The following TFDP2 variants were observed in gnomAD, a reference collection of about 807,000 sequenced individuals.
TFDP2 encodes the protein transcription factor Dp-2, also known as transcription factor Dp-2 (E2F dimerization partner 2).
A neutral mutation model predicts 59.3 loss-of-function variants in TFDP2; 17 were observed. That is an observed-to-expected ratio of 0.29 (90% confidence interval 0.20 to 0.43). TFDP2 has a LOEUF of 0.43. Among genes scored for constraint, TFDP2 ranks in the 20% least tolerant of loss-of-function variants. The pLI, the probability that TFDP2 is intolerant of heterozygous loss-of-function variation, is 1.00. For missense variants in TFDP2, 391 were observed against 528.8 expected (o/e 0.74, Z 2.56); for synonymous variants, 180 against 194.7 (o/e 0.92, Z 0.63).
chr3:142,043,230 G>T (rs1576816622), intron 3 of TFDP2, among the ~76,000 whole-genome samples: 1 of 149,078 alleles, frequency 6.7e-6, no homozygotes, highest in East Asian at 2.0e-4. Context: ...TGTATTTTTA[G>T]TAGAGACGGG....
Position 141,978,593 on chromosome 3 carries a change from G to A in TFDP2, c.446C>T (p.Thr149Ile). Residue 149 changes from threonine (T) to isoleucine (I), a missense_variant, in exon 7 of 13, where the codon ACA becomes ATA. This residue lies in a region of TFDP2 where 162 missense variants were observed against 206.8 expected (regional missense o/e 0.78). Coordinates refer to ENST00000489671, the MANE Select transcript of TFDP2 (RefSeq NM_001178139.2). ...VCEKVQRKGT[T>I]SYNEVADELV... ...CTCATCAGCGACTTCATTGTACGAT[G>A]TTGTACCTTTTCGTTGAACTTTCTC... 6.2e-7 allele frequency: 1 copy of A among 1,613,758 alleles called. No homozygotes were observed. The highest frequency in any genetic ancestry group is 8.5e-7 in the Non-Finnish European group (1 of 1,179,900).
intron 5 of TFDP2, 63 bp from the exon 6 acceptor site, chr3:141,993,648 T>C (rs1576617360): frequency 3.1e-6 from 3 of 959,280 alleles, no homozygotes; most frequent in African/African-American, 1.7e-5. Flanking sequence ...ATTTCATTAA[T>C]ACTTTATTAT....
At chr3:142,023,206 A>G (rs1251709095) in intron 3 of TFDP2, among the ~76,000 whole-genome samples, 1 of 150,226 alleles carries the variant, frequency 6.7e-6, no homozygotes, top group African/African-American at 2.4e-5. Flanking sequence ...TTTATTTGAG[A>G]TAGAGTCTTG....
chr3:141,976,060 T>C (rs1940594360), intron 7 of TFDP2, among the ~76,000 whole-genome samples: 1 of 152,066 alleles, frequency 6.6e-6, no homozygotes, highest in Admixed American at 6.6e-5. Flanking sequence ...TTTGTATTTT[T>C]AGTACAGACA....
chr3:142,148,293 T>C (rs1184909533), intron 1 of TFDP2, among the ~76,000 whole-genome samples: 1 of 152,142 alleles, frequency 6.6e-6, no homozygotes, highest in Non-Finnish European at 1.5e-5. Flanking sequence ...AAAGTATTCA[T>C]GGGCTCAAAG....
intron 8 of TFDP2, 104 bp downstream of exon 8, chr3:141,973,944 T>A: frequency 7.4e-7 from 1 of 1,343,152 alleles, no homozygotes; most frequent in Non-Finnish European, 1.0e-6. Flanking sequence ...ATGGTATACA[T>A]GAAAAATTGG....
At chr3:142,056,397 T>C (rs1426484204) in intron 3 of TFDP2, among the ~76,000 whole-genome samples, 1 of 149,384 alleles carries the variant, frequency 6.7e-6, no homozygotes, top group African/African-American at 2.5e-5. Context: ...ACAATTAAAA[T>C]ATAGTGCGGT....
At chr3:142,113,769 C>G (rs1158789504) in intron 1 of TFDP2, among the ~76,000 whole-genome samples, 1 of 152,020 alleles carries the variant, frequency 6.6e-6, no homozygotes, top group Admixed American at 6.6e-5. Context: ...ATTTAGAATA[C>G]GACTGTACTT....
At chr3:142,138,900 C>T (rs1488945376) in intron 1 of TFDP2, among the ~76,000 whole-genome samples, 1 of 152,178 alleles carries the variant, frequency 6.6e-6, no homozygotes, top group Non-Finnish European at 1.5e-5. Context: ...TGGTGCAGAA[C>T]TGAGTTCAAG....
At chr3:142,116,559 T>C (rs1208964367) in intron 1 of TFDP2, among the ~76,000 whole-genome samples, 1 of 152,232 alleles carries the variant, frequency 6.6e-6, no homozygotes, top group Non-Finnish European at 1.5e-5. Context: ...GACAAATTGA[T>C]TGCAGACTTG....
rs1936025940 is a variant in TFDP2, at chr3:141,952,434, G to A, written c.*79C>T. The A allele has an allele frequency of 1.5e-6, 2 of 1,361,488 alleles. No homozygotes were observed. The highest frequency in any genetic ancestry group is 2.8e-5 in the Admixed American group (1 of 36,020). 84.3% of individuals were successfully genotyped at this position (1,361,488 alleles called of 1,614,324 possible). On this transcript the variant is annotated 3_prime_UTR_variant, in exon 13 of 13. Coordinates refer to ENST00000489671, the MANE Select transcript of TFDP2 (RefSeq NM_001178139.2). Reference sequence around the variant, plus strand: ...AGTGCAAACAAAGGCAAAGACTGAAGCAATCATTTCAAAAACAAGAGCTCA... The same window carrying A: ...AGTGCAAACAAAGGCAAAGACTGAAACAATCATTTCAAAAACAAGAGCTCA...
chr3:142,038,883 T>C (rs1345288918), intron 3 of TFDP2, among the ~76,000 whole-genome samples: 5 of 152,224 alleles, frequency 3.3e-5, no homozygotes, highest in Non-Finnish European at 4.4e-5. Context: ...AATTTTTCAT[T>C]ATTATTAACA....
intron 3 of TFDP2, among the ~76,000 whole-genome samples, chr3:142,038,002 A>C (rs1946767679): frequency 6.6e-6 from 1 of 152,224 alleles, no homozygotes; most frequent in Non-Finnish European, 1.5e-5. Context: ...GAGTGAAAGA[A>C]TATAAATTAT....
chr3:141,990,456 G>C (rs1942639530), intron 6 of TFDP2, among the ~76,000 whole-genome samples: 1 of 152,080 alleles, frequency 6.6e-6, no homozygotes, highest in Admixed American at 6.6e-5. Flanking sequence ...TGTATTTTTA[G>C]TAGAGACAAG....
intron 1 of TFDP2, among the ~76,000 whole-genome samples, chr3:142,138,288 C>T (rs554380233): frequency 3.3e-5 from 5 of 152,248 alleles, no homozygotes; most frequent in Admixed American, 2.6e-4. Flanking sequence ...TGCTAGCGGT[C>T]TATCAATTTT....
chr3:142,113,687 T>C (rs1039003801), intron 1 of TFDP2, among the ~76,000 whole-genome samples: 2 of 152,124 alleles, frequency 1.3e-5, no homozygotes, highest in African/African-American at 4.8e-5. Flanking sequence ...CAACAAAAGA[T>C]TCCAAGATGA....
chr3:142,103,737 T>C lies in TFDP2; in HGVS notation c.-92-1896A>G, dbSNP rs565752819. Among the ~76,000 whole-genome samples, 12 of 152,272 alleles carry C rather than the reference T, an allele frequency of 7.9e-5. No homozygotes were observed. The East Asian group carries it at 2.3e-3, about 29-fold the overall frequency. ...TTAAAATTATCTCAAAATTAAACTT[T>C]AATAAGACATTCAAGGGGAAGGATA... On this transcript the variant is annotated intron_variant, in intron 1 of 12. Transcript: ENST00000489671.
chr3:142,124,459 G>A (rs2062162096), intron 1 of TFDP2, among the ~76,000 whole-genome samples: 1 of 152,106 alleles, frequency 6.6e-6, no homozygotes, highest in Non-Finnish European at 1.5e-5. Context: ...AAATCAGTGA[G>A]GTATGAATGC....
At chr3:141,968,178 C>A (rs1267718951) in intron 9 of TFDP2, among the ~76,000 whole-genome samples, 2 of 134,644 alleles carry the variant, frequency 1.5e-5, no homozygotes, top group Non-Finnish European at 3.1e-5. Flanking sequence ...TAGGAATAAA[C>A]TGTCAGTTTC....
Sources: gnomAD v4.1 joint callset for allele counts (sites outside exome capture counted in the v4.1 genomes callset) on GRCh38, gnomAD v4.1.1 for gene constraint, gnomAD v4.1.1 regional missense constraint, MANE v1.5 for transcripts, NCBI Gene and HGNC (gene_info 2026-07-23, HGNC 2026-07-21) for gene names.